The following CACNA1C variants were observed in gnomAD, a reference collection of about 807,000 sequenced individuals.
The protein encoded by CACNA1C is voltage-dependent L-type calcium channel subunit alpha-1C.
A neutral mutation model predicts 229.0 loss-of-function variants in CACNA1C; 30 were observed. The observed-to-expected ratio is 0.13, with a 90% CI of 0.10 to 0.18. CACNA1C has a LOEUF of 0.18. Among genes scored for constraint, CACNA1C ranks in the 10% least tolerant of loss-of-function variants. CACNA1C has a pLI of 1.00. For synonymous variants in CACNA1C, 1,114 were observed against 1,132.5 expected, an observed-to-expected ratio of 0.98 and a Z score of 0.33; for missense variants, 1,658 against 2,845.0, an observed-to-expected ratio of 0.58 and a Z score of 9.49.
chr12:2,629,302 C>T (rs575050859), intron 29 of CACNA1C, among the ~76,000 whole-genome samples: 2 of 23,836 alleles, frequency 8.4e-5, no homozygotes, highest in East Asian at 0.014. Context: ...GGTAGTCATC[C>T]CATCCCTTTT....
intron 3 of CACNA1C, among the ~76,000 whole-genome samples, chr12:2,204,974 A>G (rs866353912): frequency 1.8e-3 from 269 of 152,128 alleles, no homozygotes; most frequent in African/African-American, 6.4e-3. Flanking sequence ...ACAAAAACAA[A>G]AAAAAAACCT....
At chr12:2,413,274 C>T (rs1230817017) in intron 3 of CACNA1C, among the ~76,000 whole-genome samples, 1 of 152,242 alleles carries the variant, frequency 6.6e-6, no homozygotes, top group Non-Finnish European at 1.5e-5. Flanking sequence ...GCCTCAGCCT[C>T]CCAAAATGGT....
At chr12:2,555,673 CTT>C (rs2043746449) in intron 10 of CACNA1C, among the ~76,000 whole-genome samples, 1 of 152,236 alleles carries the variant, frequency 6.6e-6, no homozygotes, top group South Asian at 2.1e-4. Context: ...CACAGGCAGT[CTT>C]TGCGGGTGGG....
chr12:2,690,835 G>A, intron 46 of CACNA1C, 65 bp from the exon 47 acceptor site: 3 of 1,443,672 alleles, frequency 2.1e-6, no homozygotes, highest in Non-Finnish European at 1.9e-6. Context: ...AGCCCTCAAG[G>A]GAAGAGCTGG....
intron 3 of CACNA1C, among the ~76,000 whole-genome samples, chr12:2,362,433 A>G (rs1454697951): frequency 6.6e-6 from 1 of 152,012 alleles, no homozygotes; most frequent in Admixed American, 6.5e-5. Flanking sequence ...TGAATCCTAC[A>G]TGTTTTTGTG....
At chr12:2,471,334 A>G (rs2099591185) in intron 5 of CACNA1C, among the ~76,000 whole-genome samples, 1 of 152,158 alleles carries the variant, frequency 6.6e-6, no homozygotes, top group Non-Finnish European at 1.5e-5. Flanking sequence ...TTTTTACTTT[A>G]GTCAATTGTC....
At chr12:2,289,114 A>G (rs1383089007) in intron 3 of CACNA1C, among the ~76,000 whole-genome samples, 1 of 152,222 alleles carries the variant, frequency 6.6e-6, no homozygotes, top group African/African-American at 2.4e-5. Context: ...TCAGGTGGTT[A>G]GCAGAGCCAG....
chr12:2,431,148 G>T lies in CACNA1C; in HGVS notation c.478-17828G>T, dbSNP rs533880870. Among the ~76,000 whole-genome samples, 24 of 152,332 alleles carry T rather than the reference G, an allele frequency of 1.6e-4. No individual in the cohort carries two copies. The South Asian group carries it at 4.8e-3, about 30-fold the overall frequency. On this transcript the variant is annotated intron_variant, in intron 3 of 46. Transcript: ENST00000399655. ...TCCCAGGCCCTGGTGCTTTTCAGAA[G>T]TGGGGACCTTGTTAGAAGTCAAGAT...
intron 3 of CACNA1C, among the ~76,000 whole-genome samples, chr12:2,179,723 A>G (rs113019285): frequency 0.016 from 2,426 of 152,344 alleles, 30 homozygotes; most frequent in Middle Eastern, 0.027. Context: ...AGTAGCTCGA[A>G]AAAGAACAAA....
intron 3 of CACNA1C, among the ~76,000 whole-genome samples, chr12:2,298,723 T>C (rs144713297): frequency 0.011 from 1,718 of 152,336 alleles, 28 homozygotes; most frequent in African/African-American, 0.04. Flanking sequence ...GTGCCCTCTA[T>C]GGCCGCAGAA....
At chr12:2,474,646 C>T (rs2099613028) in intron 5 of CACNA1C, among the ~76,000 whole-genome samples, 2 of 151,658 alleles carry the variant, frequency 1.3e-5, no homozygotes, top group African/African-American at 4.8e-5. Context: ...ATCCCAGTTG[C>T]TCGGGAGGCT....
At chr12:2,609,340 C>T (rs183500756) in intron 27 of CACNA1C, among the ~76,000 whole-genome samples, 4 of 152,010 alleles carry the variant, frequency 2.6e-5, no homozygotes, top group South Asian at 2.1e-4. Flanking sequence ...GGGAGGAGTC[C>T]GTGGGGAAAC....
intron 3 of CACNA1C, among the ~76,000 whole-genome samples, chr12:2,366,385 A>G (rs899269298): frequency 5.9e-5 from 9 of 152,252 alleles, no homozygotes; most frequent in African/African-American, 2.2e-4. Flanking sequence ...AGTTTTAAAA[A>G]TAATATTTTG....
Position 2,486,680 on chromosome 12 carries a change from G to T in CACNA1C, c.916+418G>T, listed in dbSNP as rs2099699049. ...GGGAGCCCTTTCACGGGGCCGCTTA[G>T]CCCTGAGCAACAGGTTCTCCCAGCA... is the stretch of plus-strand genomic sequence containing the variant. On this transcript the variant is annotated intron_variant, in intron 6 of 46. Transcript: ENST00000399655. The surrounding 1 kb of genome is among the most constrained non-coding windows in gnomAD (Gnocchi z 4.9). 6.6e-6 allele frequency among the ~76,000 whole-genome samples: 1 copy of T among 152,172 alleles called. No homozygotes were observed. The highest frequency in any genetic ancestry group is 1.5e-5 in the Non-Finnish European group (1 of 68,044).
rs73241774 is a variant in CACNA1C at position 2,618,079 on chromosome 12, C to A, written c.3828+6066C>A. On this transcript the variant is annotated intron_variant, in intron 29 of 46. Coordinates refer to ENST00000399655, the MANE Select transcript of CACNA1C (RefSeq NM_000719.7). ...AAGGGGACTTTGGAGGCTGAGGGTC[C>A]GGATTGCTCAGGTGTGGACCTGCTG... Among the ~76,000 whole-genome samples, 1,240 of 152,262 alleles carry A rather than the reference C, an allele frequency of 8.1e-3. 18 individuals are homozygous for A. Among genetic ancestry groups the A allele is most frequent in the African/African-American group, 0.029 (1,190 of 41,530 alleles).
chr12:2,674,655 T>C lies in CACNA1C; in HGVS notation c.4828+13T>C. ...CCCCCTGCAGGTGGTGAGTGCTCCC[T>C]GGACTCCCGCACCTTGGCCACTGCC... On this transcript the variant is annotated intron_variant, in intron 39 of 46. Coordinates refer to ENST00000399655, the MANE Select transcript of CACNA1C (RefSeq NM_000719.7). 1.3e-6 allele frequency: 2 copies of C among 1,551,382 alleles called. No homozygotes were observed. Among genetic ancestry groups the C allele is most frequent in the Non-Finnish European group, 1.7e-6 (2 of 1,146,724 alleles).
At chr12:2,347,295 AT>A (rs962260783) in intron 3 of CACNA1C, among the ~76,000 whole-genome samples, 1 of 152,174 alleles carries the variant, frequency 6.6e-6, no homozygotes, top group African/African-American at 2.4e-5. Flanking sequence ...ACCAGCACCC[AT>A]GGTTGCCTGT....
chr12:2,336,899 T>C (rs1161544619), intron 3 of CACNA1C, among the ~76,000 whole-genome samples: 1 of 152,146 alleles, frequency 6.6e-6, no homozygotes, highest in African/African-American at 2.4e-5. Flanking sequence ...GATACTACTC[T>C]TTTAAGAGTA....
At chr12:2,229,836 G>A (rs967156192) in intron 3 of CACNA1C, among the ~76,000 whole-genome samples, 7 of 152,166 alleles carry the variant, frequency 4.6e-5, no homozygotes, top group African/African-American at 1.2e-4. Context: ...CCCGAGGCGG[G>A]CGGAGCAGGG....
Sources: allele counts gnomAD v4.1 joint callset (sites outside exome capture counted in the v4.1 genomes callset), GRCh38; gene constraint gnomAD v4.1.1; non-coding constraint Gnocchi (gnomAD v3.1); transcripts MANE v1.5; gene names NCBI Gene and HGNC (gene_info 2026-07-23, HGNC 2026-07-21).